The following NFIB variants were observed in gnomAD, a reference collection of about 807,000 sequenced individuals.
The protein encoded by NFIB is nuclear factor I B, also known as nuclear factor 1 B-type.
A neutral mutation model predicts 61.5 loss-of-function variants in NFIB; 11 were observed. That is an observed-to-expected ratio of 0.18 (90% CI 0.11 to 0.30). The LOEUF (loss-of-function observed/expected upper bound fraction) is 0.30, where lower values mean the gene tolerates loss of function less well. Ranked by LOEUF, NFIB falls within the 10% of genes least tolerant of loss-of-function variation. The pLI is 1.00. For missense variants in NFIB, 471 were observed against 608.9 expected (o/e 0.77, Z 2.38); for synonymous variants, 260 against 216.5 (o/e 1.20, Z -1.76).
intron 2 of NFIB, among the ~76,000 whole-genome samples, chr9:14,270,579 CAAAAAAAAAAAAAA>C (rs147823074): frequency 9.2e-5 from 5 of 54,376 alleles, no homozygotes; most frequent in Admixed American, 2.9e-4. Flanking sequence ...CCTTAGATCA[CAAAAAAAAAAAAAA>C]AAAAAAAAAA....
At position 14,352,760 on chromosome 9, in the gene NFIB, C is replaced by G. The variant is rs533093692; in HGVS notation, c.109-45240G>C. ...ACAGACAGGGAAAGGACTGTGTAAA[C>G]TTGGAATCTCTCTATGTAAACATAC... On this transcript the variant is annotated intron_variant, in intron 1 of 8. Transcript: ENST00000380934. Among the ~76,000 whole-genome samples the G allele has an allele frequency of 2.0e-5, 3 of 152,334 alleles. No individual in the cohort carries two copies. In the East Asian group the frequency reaches 5.8e-4, roughly 29 times the overall value.
intron 1 of NFIB, among the ~76,000 whole-genome samples, chr9:14,393,140 G>A (rs1415501320): frequency 6.6e-6 from 1 of 152,002 alleles, no homozygotes; most frequent in Non-Finnish European, 1.5e-5. Context: ...TTTCTGTGTA[G>A]AGCTCGGTAA....
intron 2 of NFIB, among the ~76,000 whole-genome samples, chr9:14,262,703 A>G (rs2056872748): frequency 6.6e-6 from 1 of 152,166 alleles, no homozygotes; most frequent in Non-Finnish European, 1.5e-5. Flanking sequence ...CTTACTAGAG[A>G]CAGAACCGAC....
chr9:14,131,595 C>G lies in NFIB; in HGVS notation c.926-5829G>C, dbSNP rs142198555. 8.7e-4 allele frequency among the ~76,000 whole-genome samples: 132 copies of G among 152,228 alleles called. 1 individual carries two copies. In the Middle Eastern group the frequency reaches 0.02, roughly 24 times the overall value. On this transcript the variant is annotated intron_variant, in intron 6 of 10. Coordinates refer to ENST00000380953, the MANE Select transcript of NFIB (RefSeq NM_001190737.2). ...AGATGTATATCTGTTCAAGTCAGCCCAAGGCAACAATTTTGATCAATTCTA... is the reference window on the plus strand; with the variant it reads ...AGATGTATATCTGTTCAAGTCAGCCGAAGGCAACAATTTTGATCAATTCTA...
intron 2 of NFIB, among the ~76,000 whole-genome samples, chr9:14,208,751 A>G (rs993694968): frequency 4.6e-5 from 7 of 152,220 alleles, no homozygotes; most frequent in African/African-American, 1.7e-4. Flanking sequence ...GAAGATATAC[A>G]GTATTCTATT....
the NFIB span, among the ~76,000 whole-genome samples, chr9:14,431,729 C>CTA: frequency 2.6e-5 from 4 of 151,286 alleles, no homozygotes; most frequent in East Asian, 7.8e-4. Context: ...TCTTTCCTAG[C>CTA]TAAGTTGGGA....
chr9:14,182,708 C>CTCTCTCTGTGTGTG (rs778914837), intron 2 of NFIB, among the ~76,000 whole-genome samples: 35 of 96,996 alleles, frequency 3.6e-4, no homozygotes, highest in African/African-American at 1.1e-3. Context: ...CTCTCTCTCT[C>CTCTCTCTGTGTGTG]TGTGTGTGTG....
chr9:14,447,768 A>G, the NFIB span, among the ~76,000 whole-genome samples: 51,883 of 151,920 alleles, frequency 0.34, 10,196 homozygotes, highest in African/African-American at 0.53. Flanking sequence ...TTTATGTCCC[A>G]TTCCCTGTAT....
At chr9:14,491,108 C>T in the NFIB span, among the ~76,000 whole-genome samples, 1 of 152,094 alleles carries the variant, frequency 6.6e-6, no homozygotes. Context: ...TCCCACTTAC[C>T]AACGATATAA....
At chr9:14,292,892 C>G (rs1412585730) in intron 2 of NFIB, among the ~76,000 whole-genome samples, 1 of 152,088 alleles carries the variant, frequency 6.6e-6, no homozygotes, top group African/African-American at 2.4e-5. Context: ...GCAGATATGT[C>G]TTCTCCTATA....
intron 7 of NFIB, among the ~76,000 whole-genome samples, chr9:14,124,484 T>C (rs555879777): frequency 4.1e-4 from 63 of 152,318 alleles, no homozygotes; most frequent in Admixed American, 5.9e-4. Flanking sequence ...AACATATACT[T>C]ACAAACCAAA....
intron 5 of NFIB, among the ~76,000 whole-genome samples, chr9:14,148,380 C>G (rs2042511140): frequency 6.6e-6 from 1 of 152,188 alleles, no homozygotes; most frequent in East Asian, 1.9e-4. Flanking sequence ...TCCCAAAGTA[C>G]TGGGAATCCA....
intron 2 of NFIB, among the ~76,000 whole-genome samples, chr9:14,231,181 T>A (rs1438129601): frequency 7.0e-6 from 1 of 143,880 alleles, no homozygotes. Flanking sequence ...TTGAGACATT[T>A]GTTTGTAAGT....
At chr9:14,504,869 T>C in the NFIB span, among the ~76,000 whole-genome samples, 2 of 152,194 alleles carry the variant, frequency 1.3e-5, no homozygotes, top group African/African-American at 2.4e-5. Flanking sequence ...CAGTACTATG[T>C]TGAATAGAAG....
chr9:14,322,331 A>ATGTG lies in NFIB; in HGVS notation c.109-14812_109-14811insCACA, dbSNP rs1491120649. ...TGTGCGCCCGCGTGTGCGTGTGTGC[A>ATGTG]TGTATGTGTGTGTGTGGTGGGTTTT... On this transcript the variant is annotated intron_variant, in intron 1 of 8. Transcript: ENST00000380934. The ATGTG allele has an allele frequency of 6.7e-3, 1,505 of 224,908 alleles. 19 individuals carry two copies. The highest frequency in any genetic ancestry group is 0.033 in the African/African-American group (1,322 of 40,308). 13.9% of individuals were successfully genotyped at this position (224,908 alleles called of 1,614,324 possible). A position where few individuals can be genotyped will look rare whatever the true frequency, so the allele number is the denominator to read the frequency against.
rs1345447009 is a variant in NFIB, at chr9:14,088,076, T to C, written c.*233A>G. On this transcript the variant is annotated 3_prime_UTR_variant, in exon 11 of 11. Coordinates refer to ENST00000380953, the MANE Select transcript of NFIB (RefSeq NM_001190737.2). ...GTAAGTGCTGCAATTGCTGGTCTATTATCTTCTTTCTTCAGTTTCTTTCCT... is the reference window on the plus strand; with the variant it reads ...GTAAGTGCTGCAATTGCTGGTCTATCATCTTCTTTCTTCAGTTTCTTTCCT... 5.4e-6 allele frequency: 5 copies of C among 920,538 alleles called. No individual in the cohort carries two copies. The African/African-American group carries it at 8.5e-5, about 16-fold the overall frequency. The allele number at this position is 920,538 out of a possible 1,614,324, so 57.0% of individuals were successfully genotyped here.
intron 10 of NFIB, among the ~76,000 whole-genome samples, chr9:14,098,488 G>T (rs1405752905): frequency 6.6e-6 from 1 of 152,148 alleles, no homozygotes; most frequent in Non-Finnish European, 1.5e-5. Context: ...ATATCTGACA[G>T]TACAGGCTAT....
intron 3 of NFIB, among the ~76,000 whole-genome samples, chr9:14,167,745 T>C (rs1663566925): frequency 6.6e-6 from 1 of 152,172 alleles, no homozygotes; most frequent in Non-Finnish European, 1.5e-5. Flanking sequence ...TTTTTGAAGG[T>C]ATGAATTACA....
At chr9:14,403,357 G>A (rs1032181600), upstream of NFIB, among the ~76,000 whole-genome samples, 20 of 152,146 alleles carry the variant, frequency 1.3e-4, no homozygotes, top group African/African-American at 1.9e-4. Context: ...CCATGCTCCC[G>A]GATCCCTGTT....
Sources: gnomAD v4.1 joint callset for allele counts (sites outside exome capture counted in the v4.1 genomes callset) on GRCh38, gnomAD v4.1.1 for gene constraint, MANE v1.5 for transcripts, NCBI Gene and HGNC (gene_info 2026-07-23, HGNC 2026-07-21) for gene names.